AP3B1: variants seen among roughly 807,000 people sequenced by gnomAD.
AP3B1 encodes AP-3 complex subunit beta-1.
AP3B1 carries 61 observed loss-of-function variants against 132.5 expected under a neutral mutation model. The ratio of observed to expected loss-of-function variants is 0.46; its 90% confidence interval spans 0.37 to 0.57. The LOEUF is 0.57. Ranked by LOEUF, AP3B1 falls within the 20% of genes least tolerant of loss-of-function variation. The pLI, the probability that AP3B1 is intolerant of heterozygous loss-of-function variation, is 0.00. For missense variants in AP3B1, 1,120 were observed against 1,289.4 expected, an observed-to-expected ratio of 0.87 and a Z score of 2.01; for synonymous variants, 388 against 438.3, an observed-to-expected ratio of 0.89 and a Z score of 1.43.
intron 3 of AP3B1, among the ~76,000 whole-genome samples, chr5:78,229,142 C>T (rs932720483): frequency 6.6e-6 from 1 of 152,022 alleles, no homozygotes; most frequent in African/African-American, 2.4e-5. Flanking sequence ...ATGTTGCCTA[C>T]CCAGGCTGGT....
intron 2 of AP3B1, among the ~76,000 whole-genome samples, chr5:78,262,589 C>T (rs970045511): frequency 2.0e-5 from 3 of 152,156 alleles, no homozygotes; most frequent in Admixed American, 6.5e-5. Flanking sequence ...TTGGTCTATA[C>T]GTTGTCCGTC....
At chr5:78,247,919 T>G (rs1209047720) in intron 2 of AP3B1, among the ~76,000 whole-genome samples, 2 of 152,312 alleles carry the variant, frequency 1.3e-5, no homozygotes, top group Non-Finnish European at 2.9e-5. Context: ...CTTCCTCTTT[T>G]CTCTTTTCCT....
At chr5:78,279,800 A>AT (rs1402422767) in intron 1 of AP3B1, among the ~76,000 whole-genome samples, 1 of 145,546 alleles carries the variant, frequency 6.9e-6, no homozygotes, top group Non-Finnish European at 1.5e-5. Flanking sequence ...TATATTATAT[A>AT]TTAAGTCCTA....
chr5:78,144,784 T>C (rs1229599682), intron 14 of AP3B1, among the ~76,000 whole-genome samples: 9 of 152,200 alleles, frequency 5.9e-5, no homozygotes, highest in Admixed American at 5.9e-4. Context: ...CCATTAAACA[T>C]TATGTGAAAT....
intron 14 of AP3B1, among the ~76,000 whole-genome samples, chr5:78,148,545 C>T (rs1194544335): frequency 6.6e-6 from 1 of 152,172 alleles, no homozygotes; most frequent in East Asian, 1.9e-4. Flanking sequence ...TTCTGACCTC[C>T]ATTTAATCTC....
chr5:78,177,835 C>T (rs968407020), intron 8 of AP3B1, among the ~76,000 whole-genome samples: 1 of 152,108 alleles, frequency 6.6e-6, no homozygotes, highest in Non-Finnish European at 1.5e-5. Flanking sequence ...CTGGCAATCA[C>T]CAGAAGCCAG....
intron 6 of AP3B1, 65 bp from the exon 7 acceptor site, chr5:78,216,302 A>G: frequency 7.0e-7 from 1 of 1,425,804 alleles, no homozygotes; most frequent in Non-Finnish European, 9.7e-7. Context: ...GGTCTTACTC[A>G]GGCATTATAG....
chr5:78,288,555 T>G (rs958888668), intron 1 of AP3B1, among the ~76,000 whole-genome samples: 1 of 152,220 alleles, frequency 6.6e-6, no homozygotes, highest in East Asian at 1.9e-4. Flanking sequence ...GATGCTGTAC[T>G]ACAATACAAT....
intron 7 of AP3B1, among the ~76,000 whole-genome samples, chr5:78,215,197 T>C (rs1745906993): frequency 6.6e-6 from 1 of 151,972 alleles, no homozygotes; most frequent in Non-Finnish European, 1.5e-5. Flanking sequence ...TAACAGGAGC[T>C]TTTTAAAAAT....
chr5:78,037,230 T>C lies in AP3B1; in HGVS notation c.2809+1813A>G, dbSNP rs1747843720. Among the ~76,000 whole-genome samples the C allele has an allele frequency of 1.3e-5, 2 of 152,208 alleles. 1 individual carries two copies. Among genetic ancestry groups the C allele is most frequent in the African/African-American group, 4.8e-5 (2 of 41,472 alleles). The stretch of plus-strand genomic sequence containing the variant: ...AGAAAAATTAATACTGTTCTACTGC[T>C]TTAACCTTTGGATAACATTCTCAAC... On this transcript the variant is annotated intron_variant, in intron 23 of 26. Transcript: ENST00000255194.
intron 21 of AP3B1, among the ~76,000 whole-genome samples, chr5:78,097,657 G>C (rs951682483): frequency 1.1e-4 from 16 of 149,452 alleles, no homozygotes; most frequent in Non-Finnish European, 1.8e-4. Flanking sequence ...AGGGAGGTGG[G>C]GGGGTCAGCC....
intron 22 of AP3B1, among the ~76,000 whole-genome samples, chr5:78,077,798 T>G (rs939039471): frequency 1.3e-5 from 2 of 152,208 alleles, no homozygotes; most frequent in Non-Finnish European, 2.9e-5. Flanking sequence ...CTTGGTGGAT[T>G]TGTCTCTAGT....
chr5:78,063,211 C>A (rs975806051), intron 22 of AP3B1, among the ~76,000 whole-genome samples: 1 of 152,172 alleles, frequency 6.6e-6, no homozygotes, highest in Non-Finnish European at 1.5e-5. Flanking sequence ...CACTTGTCAG[C>A]TTAACAACAA....
In AP3B1 at chr5:78,101,057, C is replaced by T. The variant is rs1197118053; in HGVS notation, c.2398-32G>A. The T allele has an allele frequency of 1.1e-5, 15 of 1,325,514 alleles. 1 individual carries two copies. The highest frequency in any genetic ancestry group is 9.7e-5 in the East Asian group (4 of 41,302). The allele number at this position is 1,325,514 out of a possible 1,614,324, so 82.1% of individuals were successfully genotyped here. A position where few individuals can be genotyped will look rare whatever the true frequency, so the allele number is the denominator to read the frequency against. On this transcript the variant is annotated intron_variant, in intron 20 of 26. Transcript: ENST00000255194. ...AATAACAAATATTTCATTTATCACA[C>T]GTTCTGTTTTAAAAATCTGTGGAGT...
chr5:78,175,635 C>T lies in AP3B1; in HGVS notation c.1158G>A (p.Lys386=). The T allele has an allele frequency of 1.2e-6, 2 of 1,612,804 alleles. No homozygotes were observed. Among genetic ancestry groups the T allele is most frequent in the South Asian group, 2.2e-5 (2 of 91,014 alleles). Residue 386 remains lysine, a synonymous_variant, in exon 11 of 27, where the codon AAG becomes AAA. Transcript: ENST00000255194. ...ATGAAAGCATACATACCTTCAGTGT[C>T]TTGATCATAGTTGGATCAGTTGACC... ...YVRSTDPTMI[K]TLKLEILTNL...
In AP3B1 at chr5:78,128,277, T is replaced by C. The variant is rs982533371; in HGVS notation, c.1838-117A>G. The C allele has an allele frequency of 3.2e-6, 3 of 944,808 alleles. No individual in the cohort carries two copies. In the African/African-American group the frequency reaches 5.0e-5, roughly 16 times the overall value. 58.5% of individuals were successfully genotyped at this position (944,808 alleles called of 1,614,324 possible). A position where few individuals can be genotyped will look rare whatever the true frequency, so the allele number is the denominator to read the frequency against. On this transcript the variant is annotated intron_variant, in intron 16 of 26. Coordinates refer to ENST00000255194, the MANE Select transcript of AP3B1 (RefSeq NM_003664.5). ...TACCTCAAATGTCAAGGAATAAATA[T>C]AGACTAGGAAGCTCTTCATAGGTCA...
intron 7 of AP3B1, among the ~76,000 whole-genome samples, chr5:78,193,740 T>TATATATATATCTATATA: frequency 2.4e-5 from 1 of 41,710 alleles, no homozygotes; most frequent in East Asian, 3.0e-4. Context: ...TTGTATATAT[T>TATATATATATCTATATA]TTTTTATATA....
At chr5:78,113,136 T>C (rs1751669018) in intron 19 of AP3B1, among the ~76,000 whole-genome samples, 1 of 152,084 alleles carries the variant, frequency 6.6e-6, no homozygotes, top group Non-Finnish European at 1.5e-5. Context: ...GGCAGCAGGC[T>C]CCCGGGGAAA....
chr5:78,147,772 C>T (rs1026364066), intron 14 of AP3B1, among the ~76,000 whole-genome samples: 1 of 152,228 alleles, frequency 6.6e-6, no homozygotes, highest in Non-Finnish European at 1.5e-5. Context: ...TGCCATGGCT[C>T]ACGCCTGTAA....
Sources: allele counts gnomAD v4.1 joint callset (sites outside exome capture counted in the v4.1 genomes callset), GRCh38; gene constraint gnomAD v4.1.1; transcripts MANE v1.5; gene names NCBI Gene and HGNC (gene_info 2026-07-23, HGNC 2026-07-21).